Variants in LRRC7 observed in about 807,000 individuals in gnomAD.
LRRC7 encodes leucine-rich repeat-containing protein 7.
Under a neutral mutation model 175.7 loss-of-function variants are expected in LRRC7, and 23 were observed. The ratio of observed to expected loss-of-function variants is 0.13; its 90% confidence interval spans 0.09 to 0.19. LRRC7 has a LOEUF of 0.19. LRRC7 is among the 10% of genes least tolerant of loss of function. The pLI, the probability that LRRC7 is intolerant of heterozygous loss-of-function variation, is 1.00. For missense variants in LRRC7, 1,354 were observed against 1,904.7 expected (o/e 0.71, Z 5.38); for synonymous variants, 685 against 680.9 (o/e 1.01, Z -0.09).
At chr1:69,829,738 T>C (rs1317235067) in intron 5 of LRRC7, among the ~76,000 whole-genome samples, 2 of 151,818 alleles carry the variant, frequency 1.3e-5, no homozygotes, top group Non-Finnish European at 3.0e-5. Context: ...AATCATTTCA[T>C]TATTGAGAGT....
Position 70,130,727 on chromosome 1 carries a change from AG to A in LRRC7, c.*8841del, listed in dbSNP as rs1302233908. Reference sequence around the variant, plus strand: ...TGGGTTTCCTTTCTCTTTGAGAAGAAGTCATGCACATTGTCACTAGATTACG... The same window carrying A: ...TGGGTTTCCTTTCTCTTTGAGAAGAATCATGCACATTGTCACTAGATTACG... On this transcript the variant is annotated 3_prime_UTR_variant, in exon 27 of 27. Transcript: ENST00000651989. 6.6e-6 allele frequency among the ~76,000 whole-genome samples: 1 copy of A among 152,222 alleles called. No individual in the cohort carries two copies. The highest frequency in any genetic ancestry group is 2.4e-5 in the African/African-American group (1 of 41,452).
chr1:69,605,357 A>G (rs1647358394), intron 1 of LRRC7, among the ~76,000 whole-genome samples: 1 of 152,100 alleles, frequency 6.6e-6, no homozygotes, highest in African/African-American at 2.4e-5. Flanking sequence ...TTTATAAATT[A>G]CCTAGTCTGG....
intron 8 of LRRC7, among the ~76,000 whole-genome samples, chr1:69,972,399 A>C (rs1272819812): frequency 6.6e-6 from 1 of 152,256 alleles, no homozygotes; most frequent in African/African-American, 2.4e-5. Flanking sequence ...CAGAATCTAC[A>C]ACAAACTCAA....
At chr1:69,599,355 C>A (rs763270665) in intron 1 of LRRC7, among the ~76,000 whole-genome samples, 3 of 152,212 alleles carry the variant, frequency 2.0e-5, no homozygotes, top group Middle Eastern at 3.4e-3. Context: ...AGCATATGTG[C>A]AGGCTAACTT....
intron 8 of LRRC7, among the ~76,000 whole-genome samples, chr1:69,945,217 T>A (rs1380955250): frequency 2.0e-5 from 3 of 152,146 alleles, no homozygotes; most frequent in African/African-American, 7.2e-5. Context: ...ATTTCATACT[T>A]CAGCATATCC....
At chr1:69,932,907 T>G (rs1369960361) in intron 8 of LRRC7, among the ~76,000 whole-genome samples, 1 of 152,246 alleles carries the variant, frequency 6.6e-6, no homozygotes, top group African/African-American at 2.4e-5. Context: ...TGCGTCCTGT[T>G]AAATCGTCAG....
At chr1:70,059,689 A>G (rs1661430968) in intron 23 of LRRC7, among the ~76,000 whole-genome samples, 1 of 152,038 alleles carries the variant, frequency 6.6e-6, no homozygotes, top group South Asian at 2.1e-4. Flanking sequence ...TTAATGTAAT[A>G]CATTTCAATG....
chr1:69,618,597 T>C (rs1292067477), intron 1 of LRRC7, among the ~76,000 whole-genome samples: 1 of 152,194 alleles, frequency 6.6e-6, no homozygotes, highest in African/African-American at 2.4e-5. Flanking sequence ...CTACAAGTAG[T>C]TGGTTTTCAC....
At chr1:69,821,828 G>T (rs759459910) in intron 4 of LRRC7, among the ~76,000 whole-genome samples, 44 of 152,064 alleles carry the variant, frequency 2.9e-4, no homozygotes, top group Non-Finnish European at 5.0e-4. Flanking sequence ...CTGGGAGGTG[G>T]TGGTTGCAGT....
intron 4 of LRRC7, among the ~76,000 whole-genome samples, chr1:69,801,530 T>C (rs78756748): frequency 0.031 from 4,702 of 151,864 alleles, 246 homozygotes; most frequent in African/African-American, 0.11. Context: ...TCTCTGATTA[T>C]CTTTTGTATT....
intron 7 of LRRC7, 36 bp from the exon 8 acceptor site, chr1:69,931,471 C>G: frequency 6.4e-7 from 1 of 1,560,540 alleles, no homozygotes; most frequent in Non-Finnish European, 8.8e-7. Flanking sequence ...GTATCATGCA[C>G]TACCTCACAA....
At chr1:69,583,691 A>G (rs1448599679) in intron 1 of LRRC7, among the ~76,000 whole-genome samples, 1 of 152,214 alleles carries the variant, frequency 6.6e-6, no homozygotes, top group African/African-American at 2.4e-5. Flanking sequence ...ATATAAAAAT[A>G]TAGGCATTAT....
intron 1 of LRRC7, among the ~76,000 whole-genome samples, chr1:69,677,023 G>A (rs192538196): frequency 4.3e-4 from 66 of 151,826 alleles, no homozygotes; most frequent in African/African-American, 1.4e-3. Flanking sequence ...TTAAAAGTAA[G>A]AACATATGGT....
chr1:69,994,040 G>A (rs1297051419), intron 10 of LRRC7, among the ~76,000 whole-genome samples: 1 of 152,108 alleles, frequency 6.6e-6, no homozygotes, highest in African/African-American at 2.4e-5. Flanking sequence ...AGGATTTATG[G>A]TGCCAAAAAG....
chr1:70,070,482 T>C (rs138935003), intron 23 of LRRC7, among the ~76,000 whole-genome samples: 8 of 152,334 alleles, frequency 5.3e-5, no homozygotes, highest in African/African-American at 1.9e-4. Flanking sequence ...GAGATCTTCC[T>C]GATTCTTGGT....
intron 18 of LRRC7, chr1:70,030,989 T>A (rs1658658873): frequency 6.6e-6 from 1 of 152,248 alleles, no homozygotes; most frequent in South Asian, 2.1e-4. Flanking sequence ...TTTATATGGC[T>A]AGCACTTCCT....
intron 8 of LRRC7, among the ~76,000 whole-genome samples, chr1:69,974,929 C>A (rs1291235751): frequency 6.6e-6 from 1 of 152,156 alleles, no homozygotes; most frequent in Non-Finnish European, 1.5e-5. Flanking sequence ...ACCTGAGCAG[C>A]AATATCATCT....
chr1:69,878,276 G>GAAA (rs369453827), intron 7 of LRRC7, among the ~76,000 whole-genome samples: 2,750 of 123,806 alleles, frequency 0.022, 67 homozygotes, highest in Admixed American at 0.071. Flanking sequence ...CCTTATCTTA[G>GAAA]AAAAAAAAAA....
At chr1:69,889,025 A>G (rs1645749891) in intron 7 of LRRC7, among the ~76,000 whole-genome samples, 1 of 152,248 alleles carries the variant, frequency 6.6e-6, no homozygotes, top group Non-Finnish European at 1.5e-5. Context: ...AATATACTGT[A>G]GTCTATTAAG....
Sources: allele counts gnomAD v4.1 joint callset (sites outside exome capture counted in the v4.1 genomes callset), GRCh38; gene constraint gnomAD v4.1.1; transcripts MANE v1.5; gene names NCBI Gene and HGNC (gene_info 2026-07-23, HGNC 2026-07-21).